STXBP4: variants seen among roughly 807,000 people sequenced by gnomAD.
The protein encoded by STXBP4 is syntaxin binding protein 4, also known as syntaxin-binding protein 4.
A neutral mutation model predicts 76.1 loss-of-function variants in STXBP4; 55 were observed. The ratio of observed to expected loss-of-function variants is 0.72; its 90% confidence interval spans 0.58 to 0.91. The LOEUF is 0.91. Ranked by LOEUF, STXBP4 falls within the 40% of genes least tolerant of loss-of-function variation. The pLI is 0.00. For synonymous variants in STXBP4, 201 were observed against 220.2 expected (o/e 0.91, Z 0.77); for missense variants, 618 against 636.9 (o/e 0.97, Z 0.32).
intron 8 of STXBP4, among the ~76,000 whole-genome samples, chr17:55,023,440 T>A (rs1864667143): frequency 6.6e-6 from 1 of 152,188 alleles, no homozygotes; most frequent in Admixed American, 6.5e-5. Context: ...CTGAAAGTAA[T>A]TTTATATAAT....
intron 16 of STXBP4, among the ~76,000 whole-genome samples, chr17:55,138,653 A>G (rs2080061705): frequency 6.6e-6 from 1 of 152,168 alleles, no homozygotes; most frequent in Non-Finnish European, 1.5e-5. Flanking sequence ...GAAGCATTGT[A>G]TATTTCCAAG....
At chr17:54,973,544 G>A (rs917677820) in intron 1 of STXBP4, among the ~76,000 whole-genome samples, 1 of 152,130 alleles carries the variant, frequency 6.6e-6, no homozygotes, top group Non-Finnish European at 1.5e-5. Flanking sequence ...GATGATGAAA[G>A]GTCTGTCAAT....
intron 13 of STXBP4, among the ~76,000 whole-genome samples, chr17:55,073,810 G>A (rs899979472): frequency 6.6e-6 from 1 of 151,962 alleles, no homozygotes; most frequent in Non-Finnish European, 1.5e-5. Flanking sequence ...TTGTATTTTT[G>A]TAGAGACAGG....
At chr17:55,159,385 C>A (rs2080315889) in intron 17 of STXBP4, among the ~76,000 whole-genome samples, 1 of 152,222 alleles carries the variant, frequency 6.6e-6, no homozygotes, top group African/African-American at 2.4e-5. Context: ...AGTTCTTTGG[C>A]TGCAGTAGAG....
At chr17:55,082,356 A>G (rs549811435) in intron 16 of STXBP4, among the ~76,000 whole-genome samples, 2 of 152,362 alleles carry the variant, frequency 1.3e-5, no homozygotes, top group South Asian at 4.1e-4. Flanking sequence ...AAGAGAAGAA[A>G]GTAAAATCTT....
chr17:55,043,890 C>T (rs2078746005), intron 11 of STXBP4: 1 of 452,050 alleles, frequency 2.2e-6, no homozygotes, highest in African/African-American at 2.0e-5. Flanking sequence ...ACTCTGTCGC[C>T]CAGGCTGGAG....
chr17:55,100,829 A>G (rs1198111740), intron 16 of STXBP4, among the ~76,000 whole-genome samples: 1 of 152,150 alleles, frequency 6.6e-6, no homozygotes, highest in Non-Finnish European at 1.5e-5. Flanking sequence ...ACTATATTGC[A>G]TGAGATTTTA....
At chr17:55,073,668 G>A (rs143338476) in intron 13 of STXBP4, among the ~76,000 whole-genome samples, 13 of 152,206 alleles carry the variant, frequency 8.5e-5, no homozygotes, top group Admixed American at 3.3e-4. Flanking sequence ...CACTCTTGTC[G>A]CCCAGGCTGG....
intron 10 of STXBP4, among the ~76,000 whole-genome samples, chr17:55,035,226 G>A (rs1207710307): frequency 2.0e-5 from 3 of 151,410 alleles, no homozygotes; most frequent in Non-Finnish European, 4.4e-5. Context: ...CTTTTCATTG[G>A]TTGATTTTTT....
chr17:54,986,143 A>T lies in STXBP4; in HGVS notation c.-77A>T. ...TATTTTCTACTTCTTCAATCCTAGG[A>T]AAAGAAGAATTTCTAGACTCTTCAT... On this transcript the variant is annotated splice_region_variant and 5_prime_UTR_variant, in exon 3 of 18. Transcript: ENST00000376352. 1 of 1,264,930 alleles carries T rather than the reference A, an allele frequency of 7.9e-7. No homozygotes were observed. The highest frequency in any genetic ancestry group is 1.1e-6 in the Non-Finnish European group (1 of 884,338). 78.4% of individuals were successfully genotyped at this position (1,264,930 alleles called of 1,614,324 possible).
the STXBP4 span, among the ~76,000 whole-genome samples, chr17:55,209,539 T>C: frequency 0.57 from 86,087 of 152,088 alleles, 25,538 homozygotes; most frequent in Non-Finnish European, 0.65. Context: ...CCATCTGAGA[T>C]GAAAATAGCC....
rs953439206 is a variant in STXBP4, at chr17:55,144,962, T to C, written c.1547+3595T>C. 5.3e-5 allele frequency among the ~76,000 whole-genome samples: 8 copies of C among 152,334 alleles called. No individual in the cohort carries two copies. In the East Asian group the frequency reaches 1.5e-3, roughly 29 times the overall value. ...TTCCTGTCCAGAATGAATGAGCTTG[T>C]GTATTTAAAGAGCCTATCATAGCAC... On this transcript the variant is annotated intron_variant, in intron 17 of 17. Coordinates refer to ENST00000376352, the MANE Select transcript of STXBP4 (RefSeq NM_178509.6).
chr17:55,038,287 C>T (rs1317255234), intron 10 of STXBP4, among the ~76,000 whole-genome samples: 1 of 152,020 alleles, frequency 6.6e-6, no homozygotes, highest in Non-Finnish European at 1.5e-5. Flanking sequence ...TCCCTCAGGC[C>T]ACCTTCCCAG....
At chr17:54,997,316 T>C (rs897134113) in intron 4 of STXBP4, among the ~76,000 whole-genome samples, 1 of 151,910 alleles carries the variant, frequency 6.6e-6, no homozygotes, top group Non-Finnish European at 1.5e-5. Context: ...CCAGAAGTCA[T>C]AGTCAGAAGG....
At chr17:55,207,155 A>G in the STXBP4 span, among the ~76,000 whole-genome samples, 1 of 152,126 alleles carries the variant, frequency 6.6e-6, no homozygotes, top group African/African-American at 2.4e-5. Flanking sequence ...ATCTCTACGC[A>G]TGACGCTCAC....
At chr17:55,184,259 A>G in the STXBP4 span, among the ~76,000 whole-genome samples, 1 of 152,206 alleles carries the variant, frequency 6.6e-6, no homozygotes, top group East Asian at 1.9e-4. Flanking sequence ...TCCCAATCTC[A>G]AAGAGAAAAT....
chr17:55,072,662 T>A (rs1361498644), intron 12 of STXBP4, among the ~76,000 whole-genome samples: 1 of 152,182 alleles, frequency 6.6e-6, no homozygotes, highest in Non-Finnish European at 1.5e-5. Context: ...CAAAATGTTA[T>A]GCTAGGTATA....
At chr17:54,988,192 A>G (rs2077654621) in intron 3 of STXBP4, among the ~76,000 whole-genome samples, 1 of 152,200 alleles carries the variant, frequency 6.6e-6, no homozygotes, top group Non-Finnish European at 1.5e-5. Flanking sequence ...CAGAAAATAT[A>G]TGGATATTAA....
intron 16 of STXBP4, among the ~76,000 whole-genome samples, chr17:55,081,618 A>T (rs1240293759): frequency 1.3e-5 from 2 of 152,182 alleles, no homozygotes; most frequent in Admixed American, 6.5e-5. Flanking sequence ...AGAACCATGG[A>T]AAAAACCCCA....
Sources: gnomAD v4.1 joint callset for allele counts (sites outside exome capture counted in the v4.1 genomes callset) on GRCh38, gnomAD v4.1.1 for gene constraint, MANE v1.5 for transcripts, NCBI Gene and HGNC (gene_info 2026-07-23, HGNC 2026-07-21) for gene names.